ZNF469: variants seen among roughly 807,000 people sequenced by gnomAD.
ZNF469 encodes the protein zinc finger protein 469.
A neutral mutation model predicts 1.0 loss-of-function variants in ZNF469; 1 was observed. The observed-to-expected ratio is 1.00, with a 90% confidence interval of 0.35 to 4.73. The LOEUF (loss-of-function observed/expected upper bound fraction) is 4.73. Ranked by LOEUF, ZNF469 falls within the 30% of genes most tolerant of loss-of-function variation. ZNF469 has a pLI of 0.16. For missense variants in ZNF469, 6,100 were observed against 5,356.3 expected (o/e 1.14, Z -4.33); for synonymous variants, 2,703 against 2,363.4 (o/e 1.14, Z -4.17).
At chr16:88,341,901 C>A in the ZNF469 span, among the ~76,000 whole-genome samples, 3 of 152,170 alleles carry the variant, frequency 2.0e-5, no homozygotes, top group African/African-American at 7.2e-5. Flanking sequence ...GGGCGCTGGC[C>A]ATCTGGGAAG....
At chr16:88,409,226 G>T in intron 1 of ZNF469, among the ~76,000 whole-genome samples, 1 of 152,248 alleles carries the variant, frequency 6.6e-6, no homozygotes, top group Admixed American at 6.5e-5. Context: ...ACCTCACGGT[G>T]ACTCAGTTTC....
chr16:88,342,231 T>C, the ZNF469 span, among the ~76,000 whole-genome samples: 9 of 152,144 alleles, frequency 5.9e-5, no homozygotes, highest in Middle Eastern at 3.4e-3. Context: ...CTCGAGAGAT[T>C]TACCCAAAGT....
the ZNF469 span, among the ~76,000 whole-genome samples, chr16:88,169,659 G>A: frequency 2.6e-5 from 4 of 152,236 alleles, no homozygotes; most frequent in African/African-American, 7.2e-5. The surrounding 1 kb of genome is among the most constrained non-coding windows in gnomAD (Gnocchi z 6.1). Context: ...CAGAGCTGCT[G>A]TGAGCCTTTG....
chr16:88,285,861 TCGTG>T, the ZNF469 span, among the ~76,000 whole-genome samples: 1 of 152,240 alleles, frequency 6.6e-6, no homozygotes, highest in Non-Finnish European at 1.5e-5. Flanking sequence ...GGAGGGGCCC[TCGTG>T]CCACTTGGCC....
chr16:88,314,378 G>A, the ZNF469 span, among the ~76,000 whole-genome samples: 5 of 145,538 alleles, frequency 3.4e-5, no homozygotes, highest in Non-Finnish European at 7.5e-5. Context: ...AGATGATGCT[G>A]GTGTAGAATA....
the ZNF469 span, among the ~76,000 whole-genome samples, chr16:88,119,281 AC>A: frequency 6.6e-6 from 1 of 152,176 alleles, no homozygotes; most frequent in Non-Finnish European, 1.5e-5. Flanking sequence ...ATGATCTCCT[AC>A]AGGTTTATCT....
chr16:88,410,880 G>T (rs924641054), intron 1 of ZNF469, among the ~76,000 whole-genome samples: 1 of 152,230 alleles, frequency 6.6e-6, no homozygotes, highest in Non-Finnish European at 1.5e-5. Flanking sequence ...TCCTGCTCAG[G>T]CCCCTGGAGA....
chr16:88,429,603 G>A lies in ZNF469; in HGVS notation c.2133G>A (p.Pro711=), dbSNP rs1043251417. 19 of 1,548,698 alleles carry A rather than the reference G, an allele frequency of 1.2e-5. No individual in the cohort carries two copies. The highest frequency in any genetic ancestry group is 2.4e-5 in the East Asian group (1 of 40,898). The change falls in exon 3 of 3, where the codon CCG becomes CCA. Residue 711 remains proline (P), a synonymous_variant. Transcript: ENST00000565624. ...AGGGCTTCCCCCGTGCGCCGCCTCC[G>A]TACCCCACACACCACTTCTCCCTCA... ...GLQGFPRAPP[P]YPTHHFSLSS... is the part of the protein sequence containing the mutation.
At chr16:88,398,660 C>T (rs1599349276) in intron 1 of ZNF469, among the ~76,000 whole-genome samples, 1 of 150,374 alleles carries the variant, frequency 6.7e-6, no homozygotes, top group East Asian at 2.0e-4. Flanking sequence ...GGGGTGTGAG[C>T]CACAGATGAG....
At chr16:88,155,550 C>T in the ZNF469 span, among the ~76,000 whole-genome samples, 402 of 152,292 alleles carry the variant, frequency 2.6e-3, 3 homozygotes, top group African/African-American at 9.1e-3. Context: ...TTCACAGAAC[C>T]GGGATCACAC....
At chr16:88,110,811 C>T in the ZNF469 span, among the ~76,000 whole-genome samples, 12 of 152,230 alleles carry the variant, frequency 7.9e-5, no homozygotes, top group African/African-American at 2.2e-4. Context: ...AATGGATTTC[C>T]ACGAGGGGCC....
chr16:88,224,910 C>G, the ZNF469 span, among the ~76,000 whole-genome samples: 6 of 152,306 alleles, frequency 3.9e-5, no homozygotes, highest in Admixed American at 3.9e-4. Context: ...CTCTGGGGAG[C>G]GGAGGTGCCC....
chr16:88,405,708 G>A lies in ZNF469; in HGVS notation c.-191-19099G>A, dbSNP rs564008281. On this transcript the variant is annotated intron_variant, in intron 1 of 2. Transcript: ENST00000565624. Reference sequence around the variant, plus strand: ...CTCAGAGTACCCCCAGGAAGTGCACGTGGGTGTGCAGGCTCCCGGCACTCC... The same window carrying A: ...CTCAGAGTACCCCCAGGAAGTGCACATGGGTGTGCAGGCTCCCGGCACTCC... 1.5e-4 allele frequency among the ~76,000 whole-genome samples: 23 copies of A among 152,320 alleles called. No individual in the cohort carries two copies. The South Asian group carries it at 3.7e-3, about 25-fold the overall frequency.
Position 88,435,592 on chromosome 16 carries a change from G to C in ZNF469, c.8122G>C (p.Glu2708Gln). 6.5e-7 allele frequency: 1 copy of C among 1,550,024 alleles called. No homozygotes were observed. Among genetic ancestry groups the C allele is most frequent in the Non-Finnish European group, 8.7e-7 (1 of 1,146,828 alleles). ...ACCTGGGGTGATGGAGGGTGCAGCG[G>C]AGACTGACCAGGAGGCTCTGTGTGC... ...LGPGVMEGAA[E>Q]TDQEALCAGE... is the part of the protein sequence containing the mutation. Residue 2708 changes from glutamate to glutamine, a missense_variant, in exon 3 of 3, where the codon GAG becomes CAG. Physicochemically the swap from Glu to Gln is conservative, Grantham distance 29 (BLOSUM62 2). Coordinates refer to ENST00000565624, the MANE Select transcript of ZNF469 (RefSeq NM_001367624.2).
In ZNF469 at chr16:88,436,682, C is replaced by T. The variant is rs892568132; in HGVS notation, c.9212C>T (p.Pro3071Leu). Residue 3071 changes from proline to leucine, a missense_variant, in exon 3 of 3, where the codon CCC (proline) becomes CTC (leucine). Pro to Leu is a moderately conservative substitution (Grantham distance 98, BLOSUM62 -3). Coordinates refer to ENST00000565624, the MANE Select transcript of ZNF469 (RefSeq NM_001367624.2). ...CCCTTTGAAGACCCCGTGGGTCTCC[C>T]CGGCCCCAGCTTCTTAGACTTCGAG... ...LGPFEDPVGL[P>L]GPSFLDFEGT... 6.5e-7 allele frequency: 1 copy of T among 1,550,268 alleles called. No individual in the cohort carries two copies. The highest frequency in any genetic ancestry group is 8.7e-7 in the Non-Finnish European group (1 of 1,146,894).
the ZNF469 span, among the ~76,000 whole-genome samples, chr16:88,185,085 C>G: frequency 5.9e-5 from 6 of 101,706 alleles, no homozygotes; most frequent in African/African-American, 1.7e-4. Flanking sequence ...ACGGGCACAC[C>G]TAGACATGGG....
chr16:88,232,296 A>G, the ZNF469 span, among the ~76,000 whole-genome samples: 1 of 152,160 alleles, frequency 6.6e-6, no homozygotes, highest in Non-Finnish European at 1.5e-5. Context: ...GATTACCTGG[A>G]TGTTTAGAAC....
At chr16:88,249,441 T>A in the ZNF469 span, among the ~76,000 whole-genome samples, 1 of 65,428 alleles carries the variant, frequency 1.5e-5, no homozygotes, top group East Asian at 2.8e-4. Context: ...TTTTTTTTTT[T>A]TTTTTTTTTT....
chr16:88,152,405 C>T, the ZNF469 span, among the ~76,000 whole-genome samples: 1 of 152,166 alleles, frequency 6.6e-6, no homozygotes, highest in African/African-American at 2.4e-5. The surrounding 1 kb of genome is among the most constrained non-coding windows in gnomAD (Gnocchi z 4.2). Flanking sequence ...AGCTGCTTTT[C>T]CGTCTATGGT....
Sources: gnomAD v4.1 joint callset for allele counts (sites outside exome capture counted in the v4.1 genomes callset) on GRCh38, gnomAD v4.1.1 for gene constraint, Gnocchi (gnomAD v3.1) non-coding constraint, MANE v1.5 for transcripts, NCBI Gene and HGNC (gene_info 2026-07-23, HGNC 2026-07-21) for gene names.